Variants in MBOAT1 observed in about 807,000 individuals in gnomAD.
MBOAT1 encodes the protein membrane-bound glycerophospholipid O-acyltransferase 1.
Under a neutral mutation model 64.4 loss-of-function variants are expected in MBOAT1, and 67 were observed. The ratio of observed to expected loss-of-function variants is 1.04; its 90% CI spans 0.85 to 1.27. MBOAT1 has a LOEUF of 1.27. MBOAT1 is among the 50% of genes most tolerant of loss of function. The probability of loss-of-function intolerance (pLI) is 0.00; values close to 1 mark genes in which losing one functional copy is unlikely to be tolerated. For missense variants in MBOAT1, 563 were observed against 604.6 expected (o/e 0.93, Z 0.72); for synonymous variants, 229 against 218.9 (o/e 1.05, Z -0.41).
rs140905926 is a variant in MBOAT1, at chr6:20,109,483, G to A, written c.1361+115C>T. ...AGCTTCTATGGACACTTCCCACACTGAAGCCCCAGTTAGAAGTGTTTAGGA... is the reference window on the plus strand; with the variant it reads ...AGCTTCTATGGACACTTCCCACACTAAAGCCCCAGTTAGAAGTGTTTAGGA... On this transcript the variant is annotated intron_variant, in intron 12 of 12. Transcript: ENST00000324607. The A allele has an allele frequency of 2.9e-5, 38 of 1,299,724 alleles. No individual in the cohort carries two copies. In the East Asian group the frequency reaches 8.0e-4, roughly 27 times the overall value. 80.5% of individuals were successfully genotyped at this position (1,299,724 alleles called of 1,614,324 possible).
intron 1 of MBOAT1, among the ~76,000 whole-genome samples, chr6:20,168,507 G>GAGAA (rs1398882520): frequency 7.5e-6 from 1 of 132,650 alleles, no homozygotes; most frequent in East Asian, 2.0e-4. Flanking sequence ...GAGAGAGAGA[G>GAGAA]GAGAGGAGAG....
chr6:20,106,190 G>T (rs889536646), intron 12 of MBOAT1, among the ~76,000 whole-genome samples: 1 of 152,172 alleles, frequency 6.6e-6, no homozygotes, highest in Non-Finnish European at 1.5e-5. Flanking sequence ...TTATTTCTTC[G>T]CCAGATTCAG....
At chr6:20,130,663 C>T (rs1581410208) in intron 5 of MBOAT1, among the ~76,000 whole-genome samples, 1 of 150,910 alleles carries the variant, frequency 6.6e-6, no homozygotes, top group African/African-American at 2.4e-5. Context: ...CCTTTCCCAG[C>T]TTTTTATAGG....
intron 1 of MBOAT1, among the ~76,000 whole-genome samples, chr6:20,168,574 A>G (rs1762086699): frequency 8.7e-6 from 1 of 114,456 alleles, no homozygotes; most frequent in African/African-American, 3.3e-5. Context: ...AAAGAGAGAG[A>G]GAGAAAGAGA....
At chr6:20,119,357 G>GCCC (rs1376200200) in intron 8 of MBOAT1, among the ~76,000 whole-genome samples, 2 of 152,070 alleles carry the variant, frequency 1.3e-5, no homozygotes, top group Non-Finnish European at 2.9e-5. Context: ...TTTTTATTAT[G>GCCC]ATGACCAAGA....
At chr6:20,116,922 GA>G (rs1158348024) in intron 9 of MBOAT1, among the ~76,000 whole-genome samples, 5 of 152,182 alleles carry the variant, frequency 3.3e-5, no homozygotes, top group African/African-American at 1.2e-4. Context: ...GCCAGTCCAT[GA>G]GTTTGGAAGG....
intron 1 of MBOAT1, among the ~76,000 whole-genome samples, chr6:20,170,206 G>A (rs1762151572): frequency 6.6e-6 from 1 of 152,154 alleles, no homozygotes; most frequent in Non-Finnish European, 1.5e-5. Flanking sequence ...CCAAGGTAAC[G>A]TTTCTCGCTC....
At chr6:20,131,036 A>T (rs1760811645) in intron 5 of MBOAT1, 108 bp downstream of exon 5, 2 of 966,582 alleles carry the variant, frequency 2.1e-6, no homozygotes, top group Non-Finnish European at 3.2e-6. Flanking sequence ...AGATAAAGCA[A>T]GATCTGCCAG....
chr6:20,185,569 T>A (rs1390603332), intron 1 of MBOAT1, among the ~76,000 whole-genome samples: 1 of 152,150 alleles, frequency 6.6e-6, no homozygotes, highest in Non-Finnish European at 1.5e-5. Flanking sequence ...TTTAGACTTG[T>A]CAAGCCTCCA....
In MBOAT1 at chr6:20,202,605, G is replaced by A. The variant is rs145502531; in HGVS notation, c.99+9531C>T. ...GAAGTTGGTAAATGATTTATCAAGG[G>A]CTTTTTTTTTTTTTGGATAACTAAA... On this transcript the variant is annotated intron_variant, in intron 1 of 12. Transcript: ENST00000324607. Among the ~76,000 whole-genome samples the A allele has an allele frequency of 2.4e-3, 351 of 148,048 alleles. 2 individuals are homozygous for A. The highest frequency in any genetic ancestry group is 4.2e-3 in the Non-Finnish European group (278 of 66,588).
In MBOAT1 at chr6:20,109,822, A is replaced by C. The variant is rs933479640; in HGVS notation, c.1210-73T>G. ...ATAACAACTTTTACTCTGTGCATGC[A>C]GATAGTATGCCACAGGAACATGGGC... On this transcript the variant is annotated intron_variant, in intron 11 of 12. Transcript: ENST00000324607. 2.0e-6 allele frequency: 3 copies of C among 1,467,742 alleles called. No individual in the cohort carries two copies. In the African/African-American group the frequency reaches 4.2e-5, roughly 21 times the overall value. 90.9% of individuals were successfully genotyped at this position (1,467,742 alleles called of 1,614,324 possible).
intron 1 of MBOAT1, among the ~76,000 whole-genome samples, chr6:20,191,598 C>A (rs1018325178): frequency 3.3e-5 from 5 of 152,156 alleles, no homozygotes; most frequent in Non-Finnish European, 7.4e-5. Flanking sequence ...ACAGAGTGGA[C>A]CACTATGGCC....
chr6:20,101,070 T>A lies in MBOAT1; in HGVS notation c.*1216A>T, dbSNP rs1759773524. On this transcript the variant is annotated 3_prime_UTR_variant, in exon 13 of 13. Transcript: ENST00000324607. Reference sequence around the variant, plus strand: ...TGTACATCACGGCCAGCCATGATCATTAACACCTCCATGAAATGAGGGAGA... The same window carrying A: ...TGTACATCACGGCCAGCCATGATCAATAACACCTCCATGAAATGAGGGAGA... 6.6e-6 allele frequency among the ~76,000 whole-genome samples: 1 copy of A among 152,144 alleles called. No individual in the cohort carries two copies. The highest frequency in any genetic ancestry group is 1.5e-5 in the Non-Finnish European group (1 of 68,018).
chr6:20,109,111 C>G (rs751130648), intron 12 of MBOAT1, among the ~76,000 whole-genome samples: 2 of 152,208 alleles, frequency 1.3e-5, no homozygotes, highest in Admixed American at 1.3e-4. Context: ...CCCTCCAACA[C>G]GTGCAACTGG....
chr6:20,208,994 G>A (rs1763345511), intron 1 of MBOAT1, among the ~76,000 whole-genome samples: 1 of 152,142 alleles, frequency 6.6e-6, no homozygotes, highest in South Asian at 2.1e-4. Context: ...GGCACATTAA[G>A]TTACACTCCA....
rs75433553 is a variant in MBOAT1, at chr6:20,198,406, C to T, written c.99+13730G>A. Among the ~76,000 whole-genome samples the T allele has an allele frequency of 7.6e-3, 1,160 of 152,262 alleles. 14 individuals carry two copies. Among genetic ancestry groups the T allele is most frequent in the African/African-American group, 0.026 (1,082 of 41,554 alleles). ...GAAGGTTCATTGCAAAATAACATAA[C>T]AAAGGTGCTCTCTAAAGACCATCAA... On this transcript the variant is annotated intron_variant, in intron 1 of 12. Transcript: ENST00000324607.
intron 1 of MBOAT1, among the ~76,000 whole-genome samples, chr6:20,167,876 T>G (rs1271046887): frequency 6.6e-6 from 1 of 152,212 alleles, no homozygotes; most frequent in Non-Finnish European, 1.5e-5. Flanking sequence ...TAGATATTAT[T>G]AGTATCTCTT....
At chr6:20,146,788 G>A (rs983358752) in intron 3 of MBOAT1, among the ~76,000 whole-genome samples, 7 of 152,200 alleles carry the variant, frequency 4.6e-5, no homozygotes, top group African/African-American at 1.7e-4. Flanking sequence ...GGCACCAAGT[G>A]CTGAGTCCCA....
intron 11 of MBOAT1, among the ~76,000 whole-genome samples, chr6:20,111,126 G>A (rs1328981481): frequency 1.3e-5 from 2 of 152,158 alleles, no homozygotes; most frequent in African/African-American, 4.8e-5. Context: ...TCTTTGAAAT[G>A]GAAATTGCTA....
Sources: gnomAD v4.1 joint callset for allele counts (sites outside exome capture counted in the v4.1 genomes callset) on GRCh38, gnomAD v4.1.1 for gene constraint, MANE v1.5 for transcripts, NCBI Gene and HGNC (gene_info 2026-07-23, HGNC 2026-07-21) for gene names.